XPO7: variants seen among roughly 807,000 people sequenced by gnomAD.
XPO7 encodes exportin 7.
In XPO7, 21 loss-of-function variants were observed where a neutral mutation model predicts 144.3. The ratio of observed to expected loss-of-function variants is 0.15; its 90% CI spans 0.10 to 0.21. The LOEUF (loss-of-function observed/expected upper bound fraction) is 0.21. Among genes scored for constraint, XPO7 ranks in the 10% least tolerant of loss-of-function variants. The pLI, the probability that XPO7 is intolerant of heterozygous loss-of-function variation, is 1.00. For missense variants in XPO7, 808 were observed against 1,325.8 expected (o/e 0.61, Z 6.06); for synonymous variants, 580 against 499.6 (o/e 1.16, Z -2.15).
intron 6 of XPO7, among the ~76,000 whole-genome samples, 176 bp from the exon 7 acceptor site, chr8:21,976,180 G>GC (rs918265503): frequency 6.6e-6 from 1 of 152,152 alleles, no homozygotes; most frequent in African/African-American, 2.4e-5. Flanking sequence ...TATATAAGGA[G>GC]CTAGGTATTT....
In XPO7 at chr8:21,949,659, G is replaced by A. The variant is rs187653063; in HGVS notation, c.19-17198G>A. 3.5e-4 allele frequency among the ~76,000 whole-genome samples: 53 copies of A among 152,264 alleles called. 1 individual carries two copies. Among genetic ancestry groups the A allele is most frequent in the Admixed American group, 6.5e-4 (10 of 15,302 alleles). ...TTCTTTCCCCCATATAACAACAAAG[G>A]CATGGCAGCCACTGCCCTCTGCCAG... On this transcript the variant is annotated intron_variant, in intron 1 of 27. Transcript: ENST00000252512.
intron 7 of XPO7, among the ~76,000 whole-genome samples, chr8:21,977,501 C>G (rs772179318): frequency 6.6e-5 from 10 of 152,160 alleles, no homozygotes; most frequent in Non-Finnish European, 1.2e-4. Flanking sequence ...ATCCTTTAAA[C>G]CGGGACCTGG....
At chr8:21,990,229 A>AT (rs1333920737) in intron 16 of XPO7, 115 bp from the exon 17 acceptor site, 2 of 1,057,888 alleles carry the variant, frequency 1.9e-6, no homozygotes, top group Non-Finnish European at 1.4e-6. Context: ...ATACTCAAGT[A>AT]TTTTTTAAAA....
intron 8 of XPO7, among the ~76,000 whole-genome samples, chr8:21,978,790 A>G (rs920278107): frequency 6.6e-6 from 1 of 152,164 alleles, no homozygotes; most frequent in Non-Finnish European, 1.5e-5. Context: ...TCACTAGAGA[A>G]ACTCTGCCAC....
At position 22,002,207 on chromosome 8, in the gene XPO7, C is replaced by T. The variant is rs184626484; in HGVS notation, c.2878C>T (p.Pro960Ser). The change falls in exon 25 of 28, where the codon CCC becomes TCC. Residue 960 changes from proline to serine, a missense_variant. By Grantham distance (74) the Pro-to-Ser change is moderately conservative. Around this residue, in one of 5 missense-constraint regions of XPO7, gnomAD observed 140 missense variants for 237.9 expected, o/e 0.59. Coordinates refer to ENST00000252512, the MANE Select transcript of XPO7 (RefSeq NM_015024.5). ...ACGTAGCACCAAGAAGAGGACCACA[C>T]CCCTGAACCAGGAGAGCGACCGCTT... ...LSRSTKKRTT[P>S]LNQESDRFLH... 1.6e-5 allele frequency: 26 copies of T among 1,613,398 alleles called. No individual in the cohort carries two copies. Among genetic ancestry groups the T allele is most frequent in the Admixed American group, 8.3e-5 (5 of 59,946 alleles).
chr8:21,925,930 A>G (rs1293181705), intron 1 of XPO7, among the ~76,000 whole-genome samples: 2 of 152,132 alleles, frequency 1.3e-5, no homozygotes, highest in Admixed American at 6.6e-5. Flanking sequence ...TTTTTTCTGT[A>G]AGATCTAGTC....
intron 8 of XPO7, among the ~76,000 whole-genome samples, chr8:21,978,055 A>G (rs963225604): frequency 4.1e-5 from 6 of 147,078 alleles, no homozygotes; most frequent in Admixed American, 6.7e-5. Context: ...CTAAAGGCCA[A>G]TTCCTGCAGA....
intron 1 of XPO7, among the ~76,000 whole-genome samples, chr8:21,924,284 A>G (rs1410042075): frequency 6.6e-6 from 1 of 152,108 alleles, no homozygotes; most frequent in Non-Finnish European, 1.5e-5. Context: ...AAAACTTTTT[A>G]TTGAAATATA....
intron 6 of XPO7, among the ~76,000 whole-genome samples, chr8:21,975,828 G>A (rs960088680): frequency 4.9e-4 from 74 of 152,328 alleles, no homozygotes; most frequent in African/African-American, 1.7e-3. Context: ...GCTATGGCCA[G>A]TACTCACCTG....
At chr8:21,927,997 A>G (rs1282144914) in intron 1 of XPO7, among the ~76,000 whole-genome samples, 3 of 152,238 alleles carry the variant, frequency 2.0e-5, no homozygotes, top group South Asian at 4.1e-4. Flanking sequence ...TTATTCGTAC[A>G]GTAAACTGCA....
chr8:21,969,047 A>G (rs1811970367), intron 2 of XPO7, among the ~76,000 whole-genome samples: 2 of 152,214 alleles, frequency 1.3e-5, no homozygotes, highest in African/African-American at 4.8e-5. Context: ...GTTTCCTCTA[A>G]TACTTCTTTT....
At chr8:21,958,833 C>G (rs1404534427) in intron 1 of XPO7, among the ~76,000 whole-genome samples, 2 of 151,970 alleles carry the variant, frequency 1.3e-5, no homozygotes, top group Admixed American at 6.6e-5. Flanking sequence ...TGGTGGCGCA[C>G]ACCTGTAATC....
chr8:21,939,196 T>C (rs568419980), intron 1 of XPO7, among the ~76,000 whole-genome samples: 4 of 151,480 alleles, frequency 2.6e-5, no homozygotes, highest in African/African-American at 9.7e-5. Flanking sequence ...TTTCAAGCAA[T>C]AATTTGGTTT....
In XPO7 at chr8:21,990,885, C is replaced by T. The variant is rs1812751206; in HGVS notation, c.2007C>T (p.Tyr669=). The T allele has an allele frequency of 1.9e-6, 3 of 1,614,002 alleles. No individual in the cohort carries two copies. Among genetic ancestry groups the T allele is most frequent in the Non-Finnish European group, 2.5e-6 (3 of 1,179,882 alleles). Residue 669 remains tyrosine, a synonymous_variant, in exon 18 of 28, where the codon TAC becomes TAT. Transcript: ENST00000252512. ...ACATGCGGTGTCGGACTACCTTCTACACAGCACTTGGGCGTCTCCTCATGG... is the reference window on the plus strand; with the variant it reads ...ACATGCGGTGTCGGACTACCTTCTATACAGCACTTGGGCGTCTCCTCATGG... The part of the protein sequence containing the change: ...LTDMRCRTTF[Y]TALGRLLMVD...
chr8:21,990,317 T>C, intron 16 of XPO7, 27 bp from the exon 17 acceptor site: 2 of 1,612,234 alleles, frequency 1.2e-6, no homozygotes, highest in South Asian at 1.1e-5. Context: ...CTTCACACTT[T>C]CCTTGACCTT....
chr8:21,926,757 A>T (rs893701938), intron 1 of XPO7, among the ~76,000 whole-genome samples: 5 of 152,042 alleles, frequency 3.3e-5, no homozygotes, highest in African/African-American at 1.2e-4. Flanking sequence ...TATTGATAAA[A>T]TCTATACATC....
At chr8:21,959,862 A>G (rs137962622) in intron 1 of XPO7, among the ~76,000 whole-genome samples, 1,900 of 152,318 alleles carry the variant, frequency 0.012, 17 homozygotes, top group Non-Finnish European at 0.019. Flanking sequence ...ACTCACCCAC[A>G]GTCATACGTT....
At chr8:21,944,600 G>A (rs1386846611) in intron 1 of XPO7, among the ~76,000 whole-genome samples, 2 of 152,094 alleles carry the variant, frequency 1.3e-5, no homozygotes, top group African/African-American at 2.4e-5. Flanking sequence ...TAAAAATAAG[G>A]AATATTCTTT....
At chr8:21,928,279 A>C (rs1268811992) in intron 1 of XPO7, among the ~76,000 whole-genome samples, 3 of 152,184 alleles carry the variant, frequency 2.0e-5, no homozygotes, top group African/African-American at 7.2e-5. Context: ...GTTACTTTTC[A>C]TTGTTGCCAA....
Sources: gnomAD v4.1 joint callset for allele counts (sites outside exome capture counted in the v4.1 genomes callset) on GRCh38, gnomAD v4.1.1 for gene constraint, gnomAD v4.1.1 regional missense constraint, MANE v1.5 for transcripts, NCBI Gene and HGNC (gene_info 2026-07-23, HGNC 2026-07-21) for gene names.